Variants in AKAP13 observed in about 807,000 individuals in gnomAD.
AKAP13 encodes A-kinase anchor protein 13.
In AKAP13, 80 loss-of-function variants were observed where a neutral mutation model predicts 264.5. The observed-to-expected ratio is 0.30, with a 90% CI of 0.25 to 0.36. AKAP13 has a LOEUF of 0.36. Ranked by LOEUF, AKAP13 falls within the 10% of genes least tolerant of loss-of-function variation. The pLI is 1.00. For missense variants in AKAP13, 3,712 were observed against 3,435.2 expected, an observed-to-expected ratio of 1.08 and a Z score of -2.01; for synonymous variants, 1,380 against 1,250.2, an observed-to-expected ratio of 1.10 and a Z score of -2.19.
intron 2 of AKAP13, among the ~76,000 whole-genome samples, chr15:85,508,222 C>T (rs965305976): frequency 6.6e-6 from 1 of 151,258 alleles, no homozygotes; most frequent in African/African-American, 2.4e-5. Context: ...TGGCTCATTG[C>T]AGCCTCGACT....
chr15:85,741,987 G>C (rs2089041768), intron 35 of AKAP13, among the ~76,000 whole-genome samples: 1 of 152,150 alleles, frequency 6.6e-6, no homozygotes, highest in Non-Finnish European at 1.5e-5. Context: ...GGGGATTGCA[G>C]CGAGCCGAGA....
chr15:85,555,490 G>A (rs979491374), intron 5 of AKAP13: 1 of 1,280,496 alleles, frequency 7.8e-7, no homozygotes. Context: ...GGGCAGCCAT[G>A]TGTGAGTATC....
intron 11 of AKAP13, among the ~76,000 whole-genome samples, chr15:85,656,780 CAA>C (rs2083118556): frequency 6.6e-6 from 1 of 152,150 alleles, no homozygotes; most frequent in Non-Finnish European, 1.5e-5. Flanking sequence ...GCTGGCTAGA[CAA>C]ATGTAAGCAG....
intron 2 of AKAP13, chr15:85,520,840 T>C (rs1020352483): frequency 7.3e-6 from 3 of 409,526 alleles, no homozygotes; most frequent in African/African-American, 6.2e-5. Flanking sequence ...TCATAGCATA[T>C]ACTTAACACA....
intron 3 of AKAP13, among the ~76,000 whole-genome samples, chr15:85,527,962 G>T (rs1390359618): frequency 1.3e-5 from 2 of 152,172 alleles, no homozygotes; most frequent in African/African-American, 4.8e-5. Flanking sequence ...ACTGGGCTTG[G>T]CTGGCCCAGC....
In AKAP13 at chr15:85,693,374, C is replaced by A; in HGVS notation, c.5387C>A (p.Ser1796Tyr). Residue 1796 changes from serine (S) to tyrosine (Y), a missense_variant, in exon 17 of 37, where the codon TCC becomes TAC. Ser to Tyr is a moderately radical substitution (Grantham distance 144, BLOSUM62 -2). Coordinates refer to ENST00000394518, the MANE Select transcript of AKAP13 (RefSeq NM_007200.5). ...KKTVNGHTFS[S>Y]IPVVGPISCS... ...ACTGTCAACGGGCACACTTTCAGTT[C>A]CATTCCTGTTGTGGGTCCCATCAGC... is the stretch of plus-strand genomic sequence containing the variant. 6.2e-7 allele frequency: 1 copy of A among 1,613,934 alleles called. No individual in the cohort carries two copies. The highest frequency in any genetic ancestry group is 8.5e-7 in the Non-Finnish European group (1 of 1,179,942).
chr15:85,416,196 A>G (rs567838828), intron 1 of AKAP13, among the ~76,000 whole-genome samples: 5 of 152,260 alleles, frequency 3.3e-5, no homozygotes, highest in Non-Finnish European at 7.3e-5. Context: ...TGGACACATA[A>G]TATTTAGTTA....
In AKAP13 at chr15:85,389,804, A is replaced by G. The variant is rs1230171994; in HGVS notation, c.-12+9006A>G. The G allele has an allele frequency of 3.3e-5, 5 of 152,192 alleles. No homozygotes were observed. In the East Asian group the frequency reaches 7.7e-4, roughly 23 times the overall value. 9.4% of individuals were successfully genotyped at this position (152,192 alleles called of 1,614,324 possible). On this transcript the variant is annotated intron_variant, in intron 1 of 36. Transcript: ENST00000394518. ...AAGAGAAGGATCACTATAATCTATT[A>G]TTTTCTGTCCCCCCGTGGGGGAGTC...
intron 1 of AKAP13, among the ~76,000 whole-genome samples, chr15:85,471,027 C>T (rs1045008309): frequency 3.9e-5 from 6 of 152,160 alleles, no homozygotes; most frequent in African/African-American, 1.4e-4. Context: ...CTTGTGACTT[C>T]ATGCTGGCCT....
chr15:85,674,840 GTA>G (rs1454214010), intron 14 of AKAP13, among the ~76,000 whole-genome samples: 104 of 151,618 alleles, frequency 6.9e-4, no homozygotes, highest in African/African-American at 2.3e-3. Flanking sequence ...GTGTGTGTGT[GTA>G]TATATATATG....
chr15:85,471,599 A>G (rs1334315184), intron 1 of AKAP13, among the ~76,000 whole-genome samples: 1 of 152,230 alleles, frequency 6.6e-6, no homozygotes, highest in Non-Finnish European at 1.5e-5. Context: ...GGTTCTGATA[A>G]CTGCGTACGT....
intron 1 of AKAP13, among the ~76,000 whole-genome samples, chr15:85,432,172 C>T (rs572051262): frequency 6.6e-6 from 1 of 152,148 alleles, no homozygotes; most frequent in East Asian, 1.9e-4. Flanking sequence ...TATTTCAACT[C>T]AATTCTAACC....
chr15:85,743,556 C>G lies in AKAP13; in HGVS notation c.8123C>G (p.Pro2708Arg), dbSNP rs61734378. 6.2e-7 allele frequency: 1 copy of G among 1,614,040 alleles called. No homozygotes were observed. Among genetic ancestry groups the G allele is most frequent in the African/African-American group, 1.3e-5 (1 of 74,906 alleles). Residue 2708 changes from proline to arginine, a missense_variant, in exon 36 of 37, where the codon CCC (proline) becomes CGC (arginine). Physicochemically the swap from Pro to Arg is moderately radical, Grantham distance 103 (BLOSUM62 -2). Coordinates refer to ENST00000394518, the MANE Select transcript of AKAP13 (RefSeq NM_007200.5). The stretch of plus-strand genomic sequence containing the variant: ...TTCTTCCCCAGTCCTGAGGAGCCCC[C>G]CTCGCCATCTGCACCTTCCATAGCC... ...PSFFPSPEEPPSPSAPSIAKS... is the reference protein window; with the variant it reads ...PSFFPSPEEPRSPSAPSIAKS...
At chr15:85,587,807 C>T (rs540362392) in intron 8 of AKAP13, among the ~76,000 whole-genome samples, 392 of 152,150 alleles carry the variant, frequency 2.6e-3, no homozygotes, top group Non-Finnish European at 4.5e-3. Context: ...TCACCACGCC[C>T]GGCTACTTTT....
intron 1 of AKAP13, among the ~76,000 whole-genome samples, chr15:85,477,784 A>G (rs906059158): frequency 6.6e-6 from 1 of 151,802 alleles, no homozygotes; most frequent in Non-Finnish European, 1.5e-5. Context: ...GCTGTGTCAC[A>G]GTGGTTTATG....
intron 5 of AKAP13, among the ~76,000 whole-genome samples, chr15:85,548,245 T>C (rs1326236114): frequency 6.6e-6 from 1 of 152,210 alleles, no homozygotes; most frequent in African/African-American, 2.4e-5. Context: ...TTGCAAACTT[T>C]CCTTGCTAAG....
chr15:85,455,679 G>A (rs1481761919), intron 1 of AKAP13, among the ~76,000 whole-genome samples: 2 of 151,980 alleles, frequency 1.3e-5, no homozygotes, highest in Admixed American at 6.6e-5. Flanking sequence ...GAACTGTGGT[G>A]TGTCTTCTTG....
chr15:85,690,147 CAGAA>C (rs896735730), intron 16 of AKAP13: 4 of 152,220 alleles, frequency 2.6e-5, no homozygotes, highest in African/African-American at 9.6e-5. Context: ...CTAGTAAACA[CAGAA>C]AGAGCCAGTG....
At chr15:85,441,052 T>C (rs374573529) in intron 1 of AKAP13, among the ~76,000 whole-genome samples, 2 of 152,216 alleles carry the variant, frequency 1.3e-5, no homozygotes, top group East Asian at 1.9e-4. Context: ...TGAGGTCTTT[T>C]TTGTAATTAT....
Sources: allele counts gnomAD v4.1 joint callset (sites outside exome capture counted in the v4.1 genomes callset), GRCh38; gene constraint gnomAD v4.1.1; transcripts MANE v1.5; gene names NCBI Gene and HGNC (gene_info 2026-07-23, HGNC 2026-07-21).